Variants in DNM3 observed in about 807,000 individuals in gnomAD.
DNM3 encodes dynamin-3.
DNM3 carries 47 observed loss-of-function variants against 101.6 expected under a neutral mutation model. The ratio of observed to expected loss-of-function variants is 0.46; its 90% CI spans 0.37 to 0.59. DNM3 has a LOEUF of 0.59. DNM3 is among the 20% of genes least tolerant of loss of function. The pLI is 0.00. For missense variants in DNM3, 849 were observed against 1,085.7 expected (o/e 0.78, Z 3.06); for synonymous variants, 385 against 387.9 (o/e 0.99, Z 0.09).
intron 17 of DNM3, among the ~76,000 whole-genome samples, chr1:172,343,467 A>G (rs571484223): frequency 6.6e-6 from 1 of 152,284 alleles, no homozygotes; most frequent in East Asian, 1.9e-4. Context: ...ATGCAGGCCG[A>G]TAACTTTTCA....
chr1:171,953,449 A>G (rs1256203257), intron 2 of DNM3, among the ~76,000 whole-genome samples: 1 of 146,314 alleles, frequency 6.8e-6, no homozygotes. Context: ...TCCTCCCAAG[A>G]TAGAATCTTG....
At chr1:172,302,932 G>A (rs1373286736) in intron 15 of DNM3, among the ~76,000 whole-genome samples, 1 of 152,170 alleles carries the variant, frequency 6.6e-6, no homozygotes, top group Admixed American at 6.5e-5. Flanking sequence ...AGAAACCAGA[G>A]AAGAAAAGCT....
Position 172,204,240 on chromosome 1 carries a change from A to G in DNM3, c.1660-49333A>G, listed in dbSNP as rs2060251858. Among the ~76,000 whole-genome samples the G allele has an allele frequency of 2.0e-5, 3 of 152,070 alleles. No homozygotes were observed. In the South Asian group the frequency reaches 6.2e-4, roughly 32 times the overall value. ...TTGGTATGTTTTATTGTTTTTAGTG[A>G]TATTGTCTTCTAGAACCTTAACTAT... On this transcript the variant is annotated intron_variant, in intron 14 of 20. Coordinates refer to ENST00000627582, the MANE Select transcript of DNM3 (RefSeq NM_015569.5).
chr1:172,048,406 A>T (rs2049969319), intron 9 of DNM3, among the ~76,000 whole-genome samples: 1 of 152,246 alleles, frequency 6.6e-6, no homozygotes. Context: ...TTGCTGCGAA[A>T]CAGCAAGTTA....
intron 12 of DNM3, among the ~76,000 whole-genome samples, chr1:172,087,180 T>A (rs907903583): frequency 6.6e-5 from 10 of 152,164 alleles, no homozygotes; most frequent in Non-Finnish European, 1.2e-4. Flanking sequence ...AGAGATCTGT[T>A]CCTTTGCTTC....
At position 172,407,937 on chromosome 1, in the gene DNM3, G is replaced by A; in HGVS notation, c.*96G>A. 1 of 1,596,380 alleles carries A rather than the reference G, an allele frequency of 6.3e-7. No homozygotes were observed. Among genetic ancestry groups the A allele is most frequent in the East Asian group, 2.2e-5 (1 of 44,510 alleles). On this transcript the variant is annotated 3_prime_UTR_variant, in exon 21 of 21. Transcript: ENST00000627582. ...GTAAATCATGAGTAGTCGCATGTGT[G>A]GACATCAGTAGGCAAGTAACCAGTT... is the stretch of plus-strand genomic sequence containing the variant.
intron 14 of DNM3, among the ~76,000 whole-genome samples, chr1:172,173,490 C>CTT (rs111367945): frequency 4.2e-5 from 6 of 141,956 alleles, no homozygotes; most frequent in Non-Finnish European, 4.7e-5. Context: ...CAAAAGAGAG[C>CTT]TTTTTTTTTT....
chr1:171,842,405 G>C (rs1384512977), intron 1 of DNM3, among the ~76,000 whole-genome samples: 1 of 152,184 alleles, frequency 6.6e-6, no homozygotes, highest in Non-Finnish European at 1.5e-5. Context: ...GAAAGACGTC[G>C]TTTGTTGTGG....
chr1:171,993,310 G>A (rs1347681295), intron 4 of DNM3, among the ~76,000 whole-genome samples: 2 of 151,760 alleles, frequency 1.3e-5, no homozygotes, highest in East Asian at 3.9e-4. Flanking sequence ...CTTGGTTTTT[G>A]TTTATCTTGG....
chr1:172,263,869 T>C (rs2062760706), intron 15 of DNM3, among the ~76,000 whole-genome samples: 1 of 152,252 alleles, frequency 6.6e-6, no homozygotes, highest in African/African-American at 2.4e-5. Context: ...AGTGTGAGTG[T>C]CATACATTTA....
chr1:172,371,981 C>T (rs903818192), intron 17 of DNM3, among the ~76,000 whole-genome samples: 26 of 146,070 alleles, frequency 1.8e-4, no homozygotes, highest in Admixed American at 2.7e-4. Flanking sequence ...TAGTTACATA[C>T]GTATACATGT....
chr1:172,351,722 A>G (rs1289970551), intron 17 of DNM3, among the ~76,000 whole-genome samples: 1 of 152,168 alleles, frequency 6.6e-6, no homozygotes, highest in Admixed American at 6.6e-5. Context: ...ACAGACTTCT[A>G]CCCAACTAAA....
At chr1:171,908,520 A>G (rs1052671880) in intron 1 of DNM3, among the ~76,000 whole-genome samples, 2 of 151,966 alleles carry the variant, frequency 1.3e-5, no homozygotes, top group Admixed American at 6.6e-5. Context: ...TTTCCCCCCT[A>G]ATTTCCAAAT....
intron 20 of DNM3, among the ~76,000 whole-genome samples, chr1:172,396,624 T>C (rs907695421): frequency 1.3e-5 from 2 of 152,198 alleles, no homozygotes; most frequent in Non-Finnish European, 2.9e-5. Context: ...TAAGACAGCA[T>C]GAGAAGGCAT....
chr1:171,900,944 T>TA (rs11464977), intron 1 of DNM3, among the ~76,000 whole-genome samples: 66,654 of 143,618 alleles, frequency 0.46, 15,157 homozygotes, highest in East Asian at 0.65. Context: ...CAGTCTCTAC[T>TA]AAAAAAAAAA....
chr1:171,921,900 A>C, intron 2 of DNM3, 79 bp downstream of exon 2: 1 of 1,319,598 alleles, frequency 7.6e-7, no homozygotes, highest in Non-Finnish European at 1.1e-6. Context: ...GGATTGTACA[A>C]ATAGAAACGT....
chr1:172,020,344 G>A (rs2047747365), intron 4 of DNM3, among the ~76,000 whole-genome samples: 1 of 152,026 alleles, frequency 6.6e-6, no homozygotes, highest in Admixed American at 6.5e-5. Context: ...CATGTCCTTT[G>A]CCCTAATCTG....
intron 15 of DNM3, among the ~76,000 whole-genome samples, chr1:172,262,680 C>T (rs1403096118): frequency 1.8e-4 from 28 of 152,106 alleles, no homozygotes. Flanking sequence ...TGATTATCCA[C>T]TCATTATTTT....
At chr1:172,284,025 G>T (rs2063601581) in intron 15 of DNM3, among the ~76,000 whole-genome samples, 1 of 151,958 alleles carries the variant, frequency 6.6e-6, no homozygotes, top group Admixed American at 6.6e-5. Context: ...TATTGTTTTT[G>T]CTTACAATTA....
Sources: gnomAD v4.1 joint callset for allele counts (sites outside exome capture counted in the v4.1 genomes callset) on GRCh38, gnomAD v4.1.1 for gene constraint, MANE v1.5 for transcripts, NCBI Gene and HGNC (gene_info 2026-07-23, HGNC 2026-07-21) for gene names.